BRIP1: variants seen among roughly 807,000 people sequenced by gnomAD.
BRIP1 encodes Fanconi anemia group J protein.
In BRIP1, 88 loss-of-function variants were observed where a neutral mutation model predicts 119.7. That is an observed-to-expected ratio of 0.74 (90% CI 0.62 to 0.88). The LOEUF (loss-of-function observed/expected upper bound fraction) is 0.88, where lower values mean the gene tolerates loss of function less well. Among genes scored for constraint, BRIP1 ranks in the 40% least tolerant of loss-of-function variants. The pLI, the probability that BRIP1 is intolerant of heterozygous loss-of-function variation, is 0.00. For synonymous variants in BRIP1, 443 were observed against 496.5 expected (o/e 0.89, Z 1.43); for missense variants, 1,259 against 1,455.4 (o/e 0.87, Z 2.20).
rs1012900187 is a variant in BRIP1 at position 61,736,786 on chromosome 17, C to T, written c.2379+6227G>A. Among the ~76,000 whole-genome samples, 1 of 152,130 alleles carries T rather than the reference C, an allele frequency of 6.6e-6. No homozygotes were observed. The highest frequency in any genetic ancestry group is 1.5e-5 in the Non-Finnish European group (1 of 67,992). ...AGAAATTATCCCTATCCTCAAGGTA[C>T]ACCATGAAACAGATTATAAAACATC... On this transcript the variant is annotated intron_variant, in intron 16 of 19. Coordinates refer to ENST00000259008, the MANE Select transcript of BRIP1 (RefSeq NM_032043.3). The surrounding 1 kb of genome is among the most constrained non-coding windows in gnomAD (Gnocchi z 4.4).
intron 14 of BRIP1, among the ~76,000 whole-genome samples, chr17:61,772,556 C>T (rs1021735255): frequency 1.3e-5 from 2 of 152,062 alleles, no homozygotes; most frequent in African/African-American, 2.4e-5. Flanking sequence ...CAGTGGCTCA[C>T]GCCTGTAATC....
chr17:61,820,095 G>A (rs1051969325), intron 6 of BRIP1, among the ~76,000 whole-genome samples: 2 of 151,278 alleles, frequency 1.3e-5, no homozygotes, highest in Non-Finnish European at 2.9e-5. Context: ...ATCTGTGGGG[G>A]AAATTATTCA....
rs1375535376 is a variant in BRIP1, at chr17:61,844,884, G to A, written c.627+2217C>T. ...CTTCTCAGAGTTTCCTCATCTGTAC[G>A]ATGGGAATACCAATATACCTGCTTC... On this transcript the variant is annotated intron_variant, in intron 6 of 19. Coordinates refer to ENST00000259008, the MANE Select transcript of BRIP1 (RefSeq NM_032043.3). The surrounding 1 kb of genome is among the most constrained non-coding windows in gnomAD (Gnocchi z 4.7). Among the ~76,000 whole-genome samples, 2 of 152,140 alleles carry A rather than the reference G, an allele frequency of 1.3e-5. No individual in the cohort carries two copies. Among genetic ancestry groups the A allele is most frequent in the African/African-American group, 4.8e-5 (2 of 41,430 alleles).
At chr17:61,716,833 T>TAATATGCTTCCATATTTTTTCCAC (rs1288480824) in intron 16 of BRIP1, among the ~76,000 whole-genome samples, 1 of 17,466 alleles carries the variant, frequency 5.7e-5, no homozygotes, top group Non-Finnish European at 1.3e-4. Context: ...CACTACTGGA[T>TAATATGCTTCCATATTTTTTCCAC]TATTAGCTAT....
At position 61,703,693 on chromosome 17, in the gene BRIP1, A is replaced by G. The variant is rs934139995; in HGVS notation, c.2493-10181T>C. On this transcript the variant is annotated intron_variant, in intron 17 of 19. Coordinates refer to ENST00000259008, the MANE Select transcript of BRIP1 (RefSeq NM_032043.3). This position sits in a 1 kb window ranked among gnomAD's most constrained non-coding sequence, Gnocchi z 5.0. The stretch of plus-strand genomic sequence containing the variant: ...TGTTGCAATTGCTTTTGGTGTCTTC[A>G]TGATGAAATCTTTGCTAGAGCCTAT... Among the ~76,000 whole-genome samples, 1 of 152,144 alleles carries G rather than the reference A, an allele frequency of 6.6e-6. No individual in the cohort carries two copies. The highest frequency in any genetic ancestry group is 1.5e-5 in the Non-Finnish European group (1 of 68,016).
At position 61,831,386 on chromosome 17, in the gene BRIP1, T is replaced by C. The variant is rs1471085793; in HGVS notation, c.627+15715A>G. ...AATATCAACTAGAACCAATAAGTGATATAACAAGTTGCAGGTTACAGGGTA... is the reference window on the plus strand; with the variant it reads ...AATATCAACTAGAACCAATAAGTGACATAACAAGTTGCAGGTTACAGGGTA... On this transcript the variant is annotated intron_variant, in intron 6 of 19. Transcript: ENST00000259008. The surrounding 1 kb of genome is among the most constrained non-coding windows in gnomAD (Gnocchi z 4.1). Among the ~76,000 whole-genome samples the C allele has an allele frequency of 1.3e-5, 2 of 152,240 alleles. No individual in the cohort carries two copies. The highest frequency in any genetic ancestry group is 2.9e-5 in the Non-Finnish European group (2 of 68,026).
intron 14 of BRIP1, among the ~76,000 whole-genome samples, chr17:61,772,165 A>ATATATATATATATATATATATATT (rs2077459873): frequency 7.5e-5 from 1 of 13,398 alleles, no homozygotes; most frequent in African/African-American, 2.0e-4. Context: ...GATTATATAT[A>ATATATATATATATATATATATATT]TATATATATA....
chr17:61,780,899 G>GT lies in BRIP1; in HGVS notation c.1734dup (p.Arg579ThrfsTer26). 6.2e-7 allele frequency: 1 copy of GT among 1,614,102 alleles called. No homozygotes were observed. The highest frequency in any genetic ancestry group is 8.5e-7 in the Non-Finnish European group (1 of 1,179,996). On this transcript the variant is annotated frameshift_variant, in exon 12 of 20. Transcript: ENST00000259008. LOFTEE classifies it high-confidence loss of function. This position sits in a 1 kb window ranked among gnomAD's most constrained non-coding sequence, Gnocchi z 5.4. ...TGAACTGCAGTTTTCTGTCGTGAAC[G>GT]TTTCTTATTTTTTGGTAGAACCAAC...
At chr17:61,821,201 C>T (rs1036366839) in intron 6 of BRIP1, among the ~76,000 whole-genome samples, 2 of 152,082 alleles carry the variant, frequency 1.3e-5, no homozygotes, top group Admixed American at 6.5e-5. Flanking sequence ...GAAGACATGG[C>T]CCATGACCAG....
chr17:61,763,445 G>C (rs1392322045), intron 14 of BRIP1, among the ~76,000 whole-genome samples: 1 of 152,082 alleles, frequency 6.6e-6, no homozygotes, highest in Non-Finnish European at 1.5e-5. Flanking sequence ...GCTGCTATCT[G>C]TAGAATCTTT....
rs1603344241 is a variant in BRIP1, at chr17:61,803,395, A to T, written c.919-1921T>A. 6.6e-6 allele frequency among the ~76,000 whole-genome samples: 1 copy of T among 152,010 alleles called. No homozygotes were observed. The highest frequency in any genetic ancestry group is 1.9e-4 in the East Asian group (1 of 5,166). On this transcript the variant is annotated intron_variant, in intron 7 of 19. Transcript: ENST00000259008. This position sits in a 1 kb window ranked among gnomAD's most constrained non-coding sequence, Gnocchi z 4.3. ...CCACTGCACTCCACCCCATTCTATC[A>T]CTGGAAATAAAAAAATTTCATTACA...
At position 61,794,390 on chromosome 17, in the gene BRIP1, C is replaced by T. The variant is rs1421644554; in HGVS notation, c.1341-661G>A. ...AAAAAGAACAAGAACATGTCCTTTACGGGAACATAGATGGAGCTGGAGATC... is the reference window on the plus strand; with the variant it reads ...AAAAAGAACAAGAACATGTCCTTTATGGGAACATAGATGGAGCTGGAGATC... On this transcript the variant is annotated intron_variant, in intron 9 of 19. Transcript: ENST00000259008. This position sits in a 1 kb window ranked among gnomAD's most constrained non-coding sequence, Gnocchi z 4.3. Among the ~76,000 whole-genome samples the T allele has an allele frequency of 1.3e-5, 2 of 151,844 alleles. No homozygotes were observed. The highest frequency in any genetic ancestry group is 6.6e-5 in the Admixed American group (1 of 15,218).
chr17:61,821,115 T>C (rs2078316557), intron 6 of BRIP1, among the ~76,000 whole-genome samples: 2 of 152,178 alleles, frequency 1.3e-5, no homozygotes, highest in African/African-American at 4.8e-5. Context: ...ACACGTGGCC[T>C]GTGACCAGTC....
chr17:61,754,199 C>T lies in BRIP1; in HGVS notation c.2098-9608G>A, dbSNP rs1239874690. 6.6e-6 allele frequency among the ~76,000 whole-genome samples: 1 copy of T among 152,172 alleles called. No homozygotes were observed. The highest frequency in any genetic ancestry group is 1.9e-4 in the East Asian group (1 of 5,202). The stretch of plus-strand genomic sequence containing the variant: ...ATTTAGAACAAAATCTAAATTCTTA[C>T]TGTGGTGTGATTTTACCCAGCTATT... On this transcript the variant is annotated intron_variant, in intron 14 of 19. Transcript: ENST00000259008. This position sits in a 1 kb window ranked among gnomAD's most constrained non-coding sequence, Gnocchi z 4.1.
chr17:61,702,715 C>T (rs2061632772), intron 17 of BRIP1, among the ~76,000 whole-genome samples: 1 of 152,158 alleles, frequency 6.6e-6, no homozygotes, highest in South Asian at 2.1e-4. Flanking sequence ...TATCAATAGG[C>T]ATTTAGGTTG....
rs1167477058 is a variant in BRIP1, at chr17:61,795,265, T to C, written c.1341-1536A>G. 6.6e-6 allele frequency among the ~76,000 whole-genome samples: 1 copy of C among 152,160 alleles called. No individual in the cohort carries two copies. The highest frequency in any genetic ancestry group is 2.4e-5 in the African/African-American group (1 of 41,458). On this transcript the variant is annotated intron_variant, in intron 9 of 19. Coordinates refer to ENST00000259008, the MANE Select transcript of BRIP1 (RefSeq NM_032043.3). This position sits in a 1 kb window ranked among gnomAD's most constrained non-coding sequence, Gnocchi z 5.6. ...TAATCCAATTATATTCTTTTAGTTA[T>C]TTTTAAATGTACAGTTAAATCATTA...
At position 61,862,964 on chromosome 17, in the gene BRIP1, T is replaced by TA. The variant is rs1272045173; in HGVS notation, c.-31+319dup. Among the ~76,000 whole-genome samples the TA allele has an allele frequency of 1.3e-5, 2 of 152,146 alleles. No individual in the cohort carries two copies. Among genetic ancestry groups the TA allele is most frequent in the African/African-American group, 2.4e-5 (1 of 41,436 alleles). On this transcript the variant is annotated intron_variant, in intron 1 of 19. Transcript: ENST00000259008. The surrounding 1 kb of genome is among the most constrained non-coding windows in gnomAD (Gnocchi z 5.3). Reference sequence around the variant, plus strand: ...CAACGCTGGCCTAGTTACTCAGATATAATCTAGAAATCAGCCCGTCCTGTA... The same window carrying TA: ...CAACGCTGGCCTAGTTACTCAGATATAAATCTAGAAATCAGCCCGTCCTGTA...
In BRIP1 at chr17:61,703,847, G is replaced by T. The variant is rs1031258310; in HGVS notation, c.2493-10335C>A. On this transcript the variant is annotated intron_variant, in intron 17 of 19. Coordinates refer to ENST00000259008, the MANE Select transcript of BRIP1 (RefSeq NM_032043.3). This position sits in a 1 kb window ranked among gnomAD's most constrained non-coding sequence, Gnocchi z 5.0. ...GAAGGGGGTCCAGTTTCAATCTTCT[G>T]CTTACGGCTAGCCAGTTAGGTCCCA... 7.9e-5 allele frequency among the ~76,000 whole-genome samples: 12 copies of T among 152,172 alleles called. No homozygotes were observed. The highest frequency in any genetic ancestry group is 2.6e-4 in the African/African-American group (11 of 41,514).
In BRIP1 at chr17:61,703,252, T is replaced by C. The variant is rs181602762; in HGVS notation, c.2493-9740A>G. On this transcript the variant is annotated intron_variant, in intron 17 of 19. Coordinates refer to ENST00000259008, the MANE Select transcript of BRIP1 (RefSeq NM_032043.3). This position sits in a 1 kb window ranked among gnomAD's most constrained non-coding sequence, Gnocchi z 5.0. Reference sequence around the variant, plus strand: ...CTAATTTTTGTATTTTTAGTAGAGATGGGGTTTTGCCATGTTGGGCAGAGT... The same window carrying C: ...CTAATTTTTGTATTTTTAGTAGAGACGGGGTTTTGCCATGTTGGGCAGAGT... Among the ~76,000 whole-genome samples the C allele has an allele frequency of 6.6e-6, 1 of 152,218 alleles. No individual in the cohort carries two copies. Among genetic ancestry groups the C allele is most frequent in the East Asian group, 1.9e-4 (1 of 5,158 alleles).
Sources: allele counts gnomAD v4.1 joint callset (sites outside exome capture counted in the v4.1 genomes callset), GRCh38; gene constraint gnomAD v4.1.1; non-coding constraint Gnocchi (gnomAD v3.1); transcripts MANE v1.5; gene names NCBI Gene and HGNC (gene_info 2026-07-23, HGNC 2026-07-21).